The following NEDD4 variants were observed in gnomAD, a reference collection of about 807,000 sequenced individuals.
The protein encoded by NEDD4 is NEDD4 E3 ubiquitin protein ligase, also known as E3 ubiquitin-protein ligase NEDD4.
In NEDD4, 99 loss-of-function variants were observed where a neutral mutation model predicts 144.9. That is an observed-to-expected ratio of 0.68 (90% CI 0.58 to 0.81). The LOEUF is 0.81. Ranked by LOEUF, NEDD4 falls within the 30% of genes least tolerant of loss-of-function variation. The probability of loss-of-function intolerance (pLI) is 0.00; values close to 1 mark genes in which losing one functional copy is unlikely to be tolerated. For missense variants in NEDD4, 985 were observed against 1,065.9 expected, an observed-to-expected ratio of 0.92 and a Z score of 1.06; for synonymous variants, 318 against 350.6, an observed-to-expected ratio of 0.91 and a Z score of 1.04.
intron 1 of NEDD4, among the ~76,000 whole-genome samples, chr15:55,971,624 C>CAAAAAAA (rs59537454): frequency 0.12 from 15,131 of 123,474 alleles, 830 homozygotes; most frequent in East Asian, 0.25. Context: ...GACTCTGTCT[C>CAAAAAAA]AAAAAAAAAA....
chr15:55,883,774 G>C (rs1326863149), intron 5 of NEDD4, among the ~76,000 whole-genome samples: 1 of 152,080 alleles, frequency 6.6e-6, no homozygotes, highest in African/African-American at 2.4e-5. Flanking sequence ...GTGAGAGAGA[G>C]AGACACTCTA....
At chr15:55,953,508 C>A (rs1191999656) in intron 2 of NEDD4, among the ~76,000 whole-genome samples, 6 of 151,666 alleles carry the variant, frequency 4.0e-5, no homozygotes, top group Admixed American at 3.9e-4. Flanking sequence ...GTGGCGCGAT[C>A]TTGGCTCACT....
intron 4 of NEDD4, among the ~76,000 whole-genome samples, chr15:55,929,362 AGTACAT>A (rs1406873206): frequency 6.6e-6 from 1 of 152,122 alleles, no homozygotes; most frequent in African/African-American, 2.4e-5. Context: ...TAGTTTTGGG[AGTACAT>A]GTACAAGTTG....
chr15:55,966,965 G>C (rs1243553082), intron 1 of NEDD4, among the ~76,000 whole-genome samples: 1 of 152,076 alleles, frequency 6.6e-6, no homozygotes, highest in African/African-American at 2.4e-5. Flanking sequence ...CTGGCTCACT[G>C]TAACCTCTGC....
chr15:55,867,615 C>A (rs2034628557), intron 8 of NEDD4, among the ~76,000 whole-genome samples: 1 of 152,138 alleles, frequency 6.6e-6, no homozygotes, highest in Non-Finnish European at 1.5e-5. Context: ...GGTAGAGAAA[C>A]TTCTACTGAA....
At chr15:55,913,351 A>T (rs1048687203) in intron 5 of NEDD4, among the ~76,000 whole-genome samples, 10 of 152,076 alleles carry the variant, frequency 6.6e-5, no homozygotes, top group Admixed American at 6.5e-4. Context: ...TAAACACAAG[A>T]TTATTTCTAA....
chr15:55,910,765 T>G (rs1320397694), intron 5 of NEDD4, among the ~76,000 whole-genome samples: 2 of 152,156 alleles, frequency 1.3e-5, no homozygotes, highest in Non-Finnish European at 2.9e-5. Flanking sequence ...CCTCCCAATC[T>G]GGCCCCTCTC....
chr15:55,924,282 C>T (rs765988461), intron 5 of NEDD4: 4 of 194,174 alleles, frequency 2.1e-5, no homozygotes, highest in Non-Finnish European at 4.3e-5. Context: ...AGTGAGGAGG[C>T]GCAACTGAAG....
chr15:55,855,555 G>T (rs1409809880), intron 12 of NEDD4, among the ~76,000 whole-genome samples: 1 of 152,212 alleles, frequency 6.6e-6, no homozygotes, highest in South Asian at 2.1e-4. Context: ...AGTGAGGCTT[G>T]TGTTAGGAAG....
intron 6 of NEDD4, among the ~76,000 whole-genome samples, chr15:55,873,214 A>C (rs969163462): frequency 6.6e-6 from 1 of 151,956 alleles, no homozygotes; most frequent in Non-Finnish European, 1.5e-5. Context: ...CTCCGTTCTT[A>C]TCTCTTTCAT....
chr15:55,834,208 A>C lies in NEDD4; in HGVS notation c.2322+19T>G. The C allele has an allele frequency of 3.1e-6, 5 of 1,609,864 alleles. No homozygotes were observed. Among genetic ancestry groups the C allele is most frequent in the Non-Finnish European group, 4.3e-6 (5 of 1,176,452 alleles). ...ATGGGTTCACAATTTCTGTTTCAAC[A>C]TAAAATGTTATGTCTTACCTCTAGT... On this transcript the variant is annotated intron_variant, in intron 25 of 28. Coordinates refer to ENST00000435532, the MANE Select transcript of NEDD4 (RefSeq NM_006154.4).
At chr15:55,902,884 G>A (rs72732290) in intron 5 of NEDD4, among the ~76,000 whole-genome samples, 2 of 151,884 alleles carry the variant, frequency 1.3e-5, no homozygotes, top group Non-Finnish European at 2.9e-5. Flanking sequence ...GCCTGTAATC[G>A]CCGCTAGTCA....
chr15:55,954,993 TATTGCATTGC>T (rs1157455433), intron 2 of NEDD4, among the ~76,000 whole-genome samples: 2 of 152,164 alleles, frequency 1.3e-5, no homozygotes, highest in African/African-American at 2.4e-5. Flanking sequence ...CACTGCATTG[TATTGCATTGC>T]ACTGCACTGC....
chr15:55,957,161 T>G (rs7179593), intron 2 of NEDD4, among the ~76,000 whole-genome samples: 4,440 of 152,314 alleles, frequency 0.029, 73 homozygotes, highest in Non-Finnish European at 0.035. Context: ...TGTGGTGGTG[T>G]TAAATTCATT....
At chr15:55,850,984 T>C (rs1389090637) in intron 13 of NEDD4, among the ~76,000 whole-genome samples, 1 of 152,202 alleles carries the variant, frequency 6.6e-6, no homozygotes, top group Non-Finnish European at 1.5e-5. Context: ...ATTTTTACAG[T>C]AATTTATAAT....
At chr15:55,882,926 C>A (rs2035247716) in intron 5 of NEDD4, among the ~76,000 whole-genome samples, 1 of 152,192 alleles carries the variant, frequency 6.6e-6, no homozygotes, top group African/African-American at 2.4e-5. Context: ...TTAGGTGAGA[C>A]TCTGAGACAT....
chr15:55,839,323 C>A (rs1180313645), intron 21 of NEDD4, among the ~76,000 whole-genome samples: 4 of 152,206 alleles, frequency 2.6e-5, no homozygotes, highest in Admixed American at 1.3e-4. Context: ...ACCCCTGTGT[C>A]CGGCACTAAG....
intron 13 of NEDD4, 29 bp from the exon 14 acceptor site, chr15:55,850,771 T>A (rs759011453): frequency 6.3e-7 from 1 of 1,584,092 alleles, no homozygotes; most frequent in African/African-American, 1.3e-5. Flanking sequence ...CATATTGTAA[T>A]ATTTTATAGA....
chr15:55,857,443 C>G (rs906221146), intron 11 of NEDD4, among the ~76,000 whole-genome samples: 5 of 152,042 alleles, frequency 3.3e-5, no homozygotes, highest in African/African-American at 1.2e-4. Flanking sequence ...ATTCTCTTGC[C>G]TCAGCCTACC....
Sources: allele counts gnomAD v4.1 joint callset (sites outside exome capture counted in the v4.1 genomes callset), GRCh38; gene constraint gnomAD v4.1.1; transcripts MANE v1.5; gene names NCBI Gene and HGNC (gene_info 2026-07-23, HGNC 2026-07-21).